The following MC1R variants were observed in gnomAD, a reference collection of about 807,000 sequenced individuals.
The protein encoded by MC1R is melanocortin 1 receptor, also known as melanocyte-stimulating hormone receptor.
For synonymous variants in MC1R, 263 were observed against 203.8 expected (o/e 1.29, Z -2.47); for missense variants, 542 against 430.0 (o/e 1.26, Z -2.30).
Position 89,920,421 on chromosome 16 carries a change from C to A in MC1R, c.*209C>A, listed in dbSNP as rs551043523. ...CAAAACTCCAGGCAGGACTTCTCAC[C>A]AGCAGTCGTGGGGAACGGAGGAGGA... On this transcript the variant is annotated 3_prime_UTR_variant, in exon 1 of 1. Transcript: ENST00000555147. 188 of 621,938 alleles carry A rather than the reference C, an allele frequency of 3.0e-4. No homozygotes were observed. Among genetic ancestry groups the A allele is most frequent in the African/African-American group, 2.9e-3 (156 of 54,082 alleles). 38.5% of individuals were successfully genotyped at this position (621,938 alleles called of 1,614,324 possible).
chr16:89,920,227 G>A lies in MC1R; in HGVS notation c.*15G>A. ...GCTCCTGGTGAGCGCGGTGCACGCG[G>A]CTTTAAGTGTGCTGGGCAGAGGGAG... On this transcript the variant is annotated 3_prime_UTR_variant, in exon 1 of 1. Transcript: ENST00000555147. 4 of 1,598,014 alleles carry A rather than the reference G, an allele frequency of 2.5e-6. No individual in the cohort carries two copies. The highest frequency in any genetic ancestry group is 2.2e-5 in the East Asian group (1 of 44,722).
At position 89,920,213 on chromosome 16, in the gene MC1R, G is replaced by C. The variant is rs1296795258; in HGVS notation, c.*1G>C. 1.9e-6 allele frequency: 3 copies of C among 1,611,750 alleles called. No individual in the cohort carries two copies. The East Asian group carries it at 6.7e-5, about 36-fold the overall frequency. ...GGAGGTGCTGACATGCTCCTGGTGA[G>C]CGCGGTGCACGCGGCTTTAAGTGTG... On this transcript the variant is annotated 3_prime_UTR_variant, in exon 1 of 1. Coordinates refer to ENST00000555147, the MANE Select transcript of MC1R (RefSeq NM_002386.4).
Position 89,920,132 on chromosome 16 carries a change from A to G in MC1R, c.874A>G (p.Ile292Val), listed in dbSNP as rs949262951. 9 of 1,613,848 alleles carry G rather than the reference A, an allele frequency of 5.6e-6. No individual in the cohort carries two copies. The highest frequency in any genetic ancestry group is 5.3e-5 in the African/African-American group (4 of 74,926). Residue 292 changes from isoleucine to valine, a missense_variant, in exon 1 of 1, where the codon ATC (isoleucine) becomes GTC (valine). Ile to Val is a conservative substitution (Grantham distance 29). Coordinates refer to ENST00000555147, the MANE Select transcript of MC1R (RefSeq NM_002386.4). ...TCTCGCCCTCATCATCTGCAATGCC[A>G]TCATCGACCCCCTCATCTACGCCTT... ...LFLALIICNA[I>V]IDPLIYAFHS...
rs1195733358 is a variant in MC1R, at chr16:89,919,581, C to T, written c.323C>T (p.Ala108Val). The T allele has an allele frequency of 3.1e-6, 5 of 1,610,710 alleles. No homozygotes were observed. The East Asian group carries it at 8.9e-5, about 29-fold the overall frequency. Residue 108 changes from alanine to valine, a missense_variant, in exon 1 of 1, where the codon GCC (alanine) becomes GTC (valine). Physicochemically the swap from Ala to Val is moderately conservative, Grantham distance 64. Coordinates refer to ENST00000555147, the MANE Select transcript of MC1R (RefSeq NM_002386.4). The part of the protein sequence containing the change: ...ILLLEAGALV[A>V]RAAVLQQLDN... ...CTGCTGGAGGCCGGTGCACTGGTGG[C>T]CCGGGCTGCGGTGCTGCAGCAGCTG...
Position 89,919,697 on chromosome 16 carries a change from T to G in MC1R, c.439T>G (p.Phe147Val). 1 of 1,606,298 alleles carries G rather than the reference T, an allele frequency of 6.2e-7. No individual in the cohort carries two copies. The highest frequency in any genetic ancestry group is 8.5e-7 in the Non-Finnish European group (1 of 1,179,650). Residue 147 changes from phenylalanine (F) to valine (V), a missense_variant, in exon 1 of 1, where the codon TTC becomes GTC. Physicochemically the swap from Phe to Val is conservative, Grantham distance 50. Transcript: ENST00000555147. ...AIAVDRYISI[F>V]YALRYHSIVT... ...CGCCGTGGACCGCTACATCTCCATC[T>G]TCTACGCACTGCGCTACCACAGCAT... is the stretch of plus-strand genomic sequence containing the variant.
chr16:89,919,209 TG>T lies in MC1R; in HGVS notation c.-46del. ...CAGGACACCTGGAGGGGAAGAACTG[TG>T]GGGACCTGGAGGCCTCCAACGACTC... On this transcript the variant is annotated 5_prime_UTR_variant, in exon 1 of 1. Transcript: ENST00000555147. 7.7e-7 allele frequency: 1 copy of T among 1,298,296 alleles called. No homozygotes were observed. Among genetic ancestry groups the T allele is most frequent in the Non-Finnish European group, 1.1e-6 (1 of 946,698 alleles). 80.4% of individuals were successfully genotyped at this position (1,298,296 alleles called of 1,614,324 possible).
chr16:89,920,713 C>G lies in MC1R; in HGVS notation c.*501C>G, dbSNP rs776687782. The G allele has an allele frequency of 6.4e-5, 46 of 716,648 alleles. No homozygotes were observed. The East Asian group carries it at 1.2e-3, about 19-fold the overall frequency. 44.4% of individuals were successfully genotyped at this position (716,648 alleles called of 1,614,324 possible). On this transcript the variant is annotated 3_prime_UTR_variant, in exon 1 of 1. Coordinates refer to ENST00000555147, the MANE Select transcript of MC1R (RefSeq NM_002386.4). ...GTGACCAGAAAGCTTCATCCACAGC[C>G]TTGCAGCGGCTCCTGCAAAAGGAGG... is the stretch of plus-strand genomic sequence containing the variant.
chr16:89,920,938 A>G lies in MC1R; in HGVS notation c.*726A>G, dbSNP rs1034956730. 11 of 547,076 alleles carry G rather than the reference A, an allele frequency of 2.0e-5. No homozygotes were observed. The highest frequency in any genetic ancestry group is 3.3e-5 in the Non-Finnish European group (10 of 302,164). The allele number at this position is 547,076 out of a possible 1,614,324, so 33.9% of individuals were successfully genotyped here. On this transcript the variant is annotated 3_prime_UTR_variant, in exon 1 of 1. Coordinates refer to ENST00000555147, the MANE Select transcript of MC1R (RefSeq NM_002386.4). ...CAGTGCCTGTGAGCATGGGGCCAGG[A>G]AAGTCTGGTAATAAATGTGACTCAG...
chr16:89,920,028 TC>T lies in MC1R; in HGVS notation c.771del (p.Phe258SerfsTer56), dbSNP rs1567758544. ...LGIFFLCWGP[F>X]FLHLTLIVLC... Reference sequence around the variant, plus strand: ...ATTTTCTTCCTCTGCTGGGGCCCCTTCTTCCTGCATCTCACACTCATCGTCC... The same window carrying T: ...ATTTTCTTCCTCTGCTGGGGCCCCTTTTCCTGCATCTCACACTCATCGTCC... On this transcript the variant is annotated frameshift_variant, in exon 1 of 1. Coordinates refer to ENST00000555147, the MANE Select transcript of MC1R (RefSeq NM_002386.4). LOFTEE classifies it low-confidence loss of function (END_TRUNC). 6.2e-7 allele frequency: 1 copy of T among 1,613,752 alleles called. No individual in the cohort carries two copies. Among genetic ancestry groups the T allele is most frequent in the South Asian group, 1.1e-5 (1 of 91,084 alleles).
rs1323815134 is a variant in MC1R, at chr16:89,918,902, CA to C, written c.-356del. The C allele has an allele frequency of 3.4e-6, 1 of 290,644 alleles. No individual in the cohort carries two copies. The highest frequency in any genetic ancestry group is 6.5e-6 in the Non-Finnish European group (1 of 154,458). The allele number at this position is 290,644 out of a possible 1,614,324, so 18.0% of individuals were successfully genotyped here. The stretch of plus-strand genomic sequence containing the variant: ...TCAGCGCAGCCCTGGCCCAGGAAGG[CA>C]GGAGACAGAGGCCAGGACGGTCCAG... On this transcript the variant is annotated 5_prime_UTR_variant, in exon 1 of 1. Coordinates refer to ENST00000555147, the MANE Select transcript of MC1R (RefSeq NM_002386.4).
At position 89,920,214 on chromosome 16, in the gene MC1R, C is replaced by A; in HGVS notation, c.*2C>A. On this transcript the variant is annotated 3_prime_UTR_variant, in exon 1 of 1. Coordinates refer to ENST00000555147, the MANE Select transcript of MC1R (RefSeq NM_002386.4). The stretch of plus-strand genomic sequence containing the variant: ...GAGGTGCTGACATGCTCCTGGTGAG[C>A]GCGGTGCACGCGGCTTTAAGTGTGC... 6.2e-7 allele frequency: 1 copy of A among 1,608,864 alleles called. No individual in the cohort carries two copies. Among genetic ancestry groups the A allele is most frequent in the South Asian group, 1.1e-5 (1 of 90,956 alleles).
rs1597416009 is a variant in MC1R, at chr16:89,920,507, G to A, written c.*295G>A. On this transcript the variant is annotated 3_prime_UTR_variant, in exon 1 of 1. Transcript: ENST00000555147. Reference sequence around the variant, plus strand: ...CAGGGGCCAACCTCAGGCTCCTAAAGAGACATTTTCCGCCCACTCCTGGGA... The same window carrying A: ...CAGGGGCCAACCTCAGGCTCCTAAAAAGACATTTTCCGCCCACTCCTGGGA... The A allele has an allele frequency of 1.6e-6, 1 of 619,136 alleles. No homozygotes were observed. Among genetic ancestry groups the A allele is most frequent in the Non-Finnish European group, 2.9e-6 (1 of 340,290 alleles). 38.4% of individuals were successfully genotyped at this position (619,136 alleles called of 1,614,324 possible).
At position 89,920,268 on chromosome 16, in the gene MC1R, G is replaced by A. The variant is rs928322951; in HGVS notation, c.*56G>A. 6.8e-6 allele frequency: 10 copies of A among 1,466,092 alleles called. No individual in the cohort carries two copies. Among genetic ancestry groups the A allele is most frequent in the Non-Finnish European group, 9.4e-6 (10 of 1,059,028 alleles). The allele number at this position is 1,466,092 out of a possible 1,614,324, so 90.8% of individuals were successfully genotyped here. A position where few individuals can be genotyped will look rare whatever the true frequency, so the allele number is the denominator to read the frequency against. ...GCAGAGGGAGGTGGTGATATTGTGT[G>A]GTCTGGTTCCTGTGTGACCCTGGGC... On this transcript the variant is annotated 3_prime_UTR_variant, in exon 1 of 1. Coordinates refer to ENST00000555147, the MANE Select transcript of MC1R (RefSeq NM_002386.4).
In MC1R at chr16:89,919,532, G is replaced by C. The variant is rs2228479; in HGVS notation, c.274G>C (p.Val92Leu). 1.2e-6 allele frequency: 2 copies of C among 1,612,864 alleles called. No individual in the cohort carries two copies. The highest frequency in any genetic ancestry group is 1.7e-6 in the Non-Finnish European group (2 of 1,179,684). The change falls in exon 1 of 1, where the codon GTG (valine) becomes CTG (leucine). Residue 92 changes from valine to leucine, a missense_variant. Transcript: ENST00000555147. The stretch of plus-strand genomic sequence containing the variant: ...GGACCTGCTGGTGAGCGGGAGCAAC[G>C]TGCTGGAGACGGCCGTCATCCTCCT... ...LSDLLVSGSN[V>L]LETAVILLLE...
Position 89,919,380 on chromosome 16 carries a change from C to A in MC1R, c.122C>A (p.Ser41Tyr), listed in dbSNP as rs369674161. The change falls in exon 1 of 1, where the codon TCT becomes TAT. Residue 41 changes from serine (S) to tyrosine (Y), a missense_variant. By Grantham distance (144) the Ser-to-Tyr change is moderately radical (BLOSUM62 -2). Coordinates refer to ENST00000555147, the MANE Select transcript of MC1R (RefSeq NM_002386.4). ...GCCCGGTGCCTGGAGGTGTCCATCTCTGACGGGCTCTTCCTCAGCCTGGGG... is the reference window on the plus strand; with the variant it reads ...GCCCGGTGCCTGGAGGTGTCCATCTATGACGGGCTCTTCCTCAGCCTGGGG... ...TGARCLEVSI[S>Y]DGLFLSLGLV... is the part of the protein sequence containing the mutation. 3.7e-6 allele frequency: 6 copies of A among 1,613,330 alleles called. No individual in the cohort carries two copies. Among genetic ancestry groups the A allele is most frequent in the Non-Finnish European group, 5.1e-6 (6 of 1,179,868 alleles).
rs1175038986 is a variant in MC1R, at chr16:89,918,932, T to C, written c.-327T>C. ...GACAGAGGCCAGGACGGTCCAGAGG[T>C]GTCGAAATGTCCTGGGGACCTGAGC... On this transcript the variant is annotated 5_prime_UTR_variant, in exon 1 of 1. Coordinates refer to ENST00000555147, the MANE Select transcript of MC1R (RefSeq NM_002386.4). 2 of 400,276 alleles carry C rather than the reference T, an allele frequency of 5.0e-6. No individual in the cohort carries two copies. Among genetic ancestry groups the C allele is most frequent in the African/African-American group, 3.9e-5 (2 of 50,806 alleles). 24.8% of individuals were successfully genotyped at this position (400,276 alleles called of 1,614,324 possible).
rs201429598 is a variant in MC1R, at chr16:89,919,657, C to G, written c.399C>G (p.Cys133Trp). ...GCAGCTCCATGCTGTCCAGCCTCTG[C>G]TTCCTGGGCGCCATCGCCGTGGACC... The part of the protein sequence containing the change: ...ITCSSMLSSL[C>W]FLGAIAVDRY... The change falls in exon 1 of 1, where the codon TGC becomes TGG. Residue 133 changes from cysteine (C) to tryptophan (W), a missense_variant. Coordinates refer to ENST00000555147, the MANE Select transcript of MC1R (RefSeq NM_002386.4). The G allele has an allele frequency of 2.5e-6, 4 of 1,606,508 alleles. No homozygotes were observed. The highest frequency in any genetic ancestry group is 3.4e-6 in the Non-Finnish European group (4 of 1,179,582).
Position 89,919,635 on chromosome 16 carries a change from G to C in MC1R, c.377G>C (p.Ser126Thr). The change falls in exon 1 of 1, where the codon AGC (serine) becomes ACC (threonine). Residue 126 changes from serine to threonine, a missense_variant. By Grantham distance (58) the Ser-to-Thr change is moderately conservative (BLOSUM62 1). Transcript: ENST00000555147. ...LDNVIDVITC[S>T]SMLSSLCFLG... ...AATGTCATTGACGTGATCACCTGCAGCTCCATGCTGTCCAGCCTCTGCTTC... is the reference window on the plus strand; with the variant it reads ...AATGTCATTGACGTGATCACCTGCACCTCCATGCTGTCCAGCCTCTGCTTC... 1.2e-6 allele frequency: 2 copies of C among 1,607,122 alleles called. No homozygotes were observed. The highest frequency in any genetic ancestry group is 1.7e-6 in the Non-Finnish European group (2 of 1,179,770).
chr16:89,919,359 G>A lies in MC1R; in HGVS notation c.101G>A (p.Arg34Gln), dbSNP rs369016553. The change falls in exon 1 of 1, where the codon CGG (arginine) becomes CAG (glutamine). Residue 34 changes from arginine (R) to glutamine (Q), a missense_variant. By Grantham distance (43) the Arg-to-Gln change is conservative. Transcript: ENST00000555147. ...CTGGCTGCCAACCAGACAGGAGCCC[G>A]GTGCCTGGAGGTGTCCATCTCTGAC... Reference protein sequence around the residue: ...LGLAANQTGARCLEVSISDGL... With the variant: ...LGLAANQTGAQCLEVSISDGL... 6.3e-5 allele frequency: 101 copies of A among 1,612,916 alleles called. No homozygotes were observed. Among genetic ancestry groups the A allele is most frequent in the Admixed American group, 1.0e-4 (6 of 59,974 alleles).
Sources: gnomAD v4.1 joint callset for allele counts on GRCh38, gnomAD v4.1.1 for gene constraint, MANE v1.5 for transcripts, NCBI Gene and HGNC (gene_info 2026-07-23, HGNC 2026-07-21) for gene names.